The following ELAPOR2 variants were observed in gnomAD, a reference collection of about 807,000 sequenced individuals.
The protein encoded by ELAPOR2 is endosome/lysosome-associated apoptosis and autophagy regulator family member 2.
Under a neutral mutation model 120.7 loss-of-function variants are expected in ELAPOR2, and 89 were observed. That is an observed-to-expected ratio of 0.74 (90% CI 0.62 to 0.88). The LOEUF (loss-of-function observed/expected upper bound fraction) is 0.88. Among genes scored for constraint, ELAPOR2 ranks in the 40% least tolerant of loss-of-function variants. The pLI, the probability that ELAPOR2 is intolerant of heterozygous loss-of-function variation, is 0.00. For synonymous variants in ELAPOR2, 444 were observed against 444.9 expected (o/e 1.00, Z 0.03); for missense variants, 1,134 against 1,251.6 (o/e 0.91, Z 1.42).
At chr7:86,982,560 A>G (rs757024656) in intron 1 of ELAPOR2, among the ~76,000 whole-genome samples, 40 of 152,220 alleles carry the variant, frequency 2.6e-4, no homozygotes, top group Non-Finnish European at 2.5e-4. Context: ...GAGTGGACAT[A>G]CAGCAAACTC....
At chr7:86,913,381 C>T (rs1789414136) in intron 13 of ELAPOR2, among the ~76,000 whole-genome samples, 177 bp from the exon 14 acceptor site, 3 of 152,158 alleles carry the variant, frequency 2.0e-5, no homozygotes, top group African/African-American at 7.2e-5. Flanking sequence ...AATCTTAAAT[C>T]TTGATACTAG....
At chr7:87,034,149 A>C (rs1204867568) in intron 1 of ELAPOR2, among the ~76,000 whole-genome samples, 1 of 152,206 alleles carries the variant, frequency 6.6e-6, no homozygotes, top group Admixed American at 6.5e-5. Context: ...AAATACATGC[A>C]AAGGACTTTT....
chr7:86,948,625 T>A (rs1013469883), intron 2 of ELAPOR2, among the ~76,000 whole-genome samples: 4 of 151,996 alleles, frequency 2.6e-5, no homozygotes, highest in African/African-American at 9.7e-5. Context: ...ACCAACCTAG[T>A]CATCTCTACC....
intron 1 of ELAPOR2, among the ~76,000 whole-genome samples, chr7:86,972,037 G>C (rs1792122555): frequency 6.6e-6 from 1 of 152,136 alleles, no homozygotes; most frequent in Admixed American, 6.5e-5. Context: ...TGTGTTCTCA[G>C]AAAGATGTAA....
rs1027133790 is a variant in ELAPOR2, at chr7:87,058,748, CT to C, written c.189+576del. ...CATCTTCTCTACCAAGTACATACTC[CT>C]TTTTTTTCCCCCCCAAATTCAAATC... On this transcript the variant is annotated intron_variant, in intron 1 of 21. Coordinates refer to ENST00000450689, the MANE Select transcript of ELAPOR2 (RefSeq NM_001142749.3). Among the ~76,000 whole-genome samples, 62 of 152,052 alleles carry C rather than the reference CT, an allele frequency of 4.1e-4. 1 individual carries two copies. The highest frequency in any genetic ancestry group is 9.2e-4 in the Admixed American group (14 of 15,274).
intron 1 of ELAPOR2, among the ~76,000 whole-genome samples, chr7:86,988,075 T>C (rs763557642): frequency 2.6e-4 from 39 of 152,294 alleles, no homozygotes; most frequent in Non-Finnish European, 4.9e-4. Context: ...GAAACCATGA[T>C]TCTGGGCAAA....
intron 1 of ELAPOR2, among the ~76,000 whole-genome samples, chr7:87,006,971 T>G (rs1291344012): frequency 1.3e-5 from 2 of 152,188 alleles, no homozygotes; most frequent in Non-Finnish European, 2.9e-5. Context: ...AAGTATGTAC[T>G]GTATAATTCC....
intron 1 of ELAPOR2, among the ~76,000 whole-genome samples, chr7:86,971,855 G>C (rs1792117795): frequency 6.6e-6 from 1 of 151,946 alleles, no homozygotes; most frequent in African/African-American, 2.4e-5. Context: ...AGAAATCAGA[G>C]GTGAAAAAAA....
intron 19 of ELAPOR2, among the ~76,000 whole-genome samples, chr7:86,895,156 T>C (rs1788380893): frequency 6.6e-6 from 1 of 152,134 alleles, no homozygotes; most frequent in South Asian, 2.1e-4. Context: ...TTGCAATAAC[T>C]ATTTTTCTTC....
chr7:87,047,521 T>C (rs1055631872), intron 1 of ELAPOR2, among the ~76,000 whole-genome samples: 1 of 152,072 alleles, frequency 6.6e-6, no homozygotes, highest in Non-Finnish European at 1.5e-5. Context: ...GGGCAAAGGA[T>C]TTCAATAGAT....
chr7:86,909,992 T>C lies in ELAPOR2; in HGVS notation c.2179A>G (p.Met727Val), dbSNP rs748280541. The C allele has an allele frequency of 1.2e-6, 2 of 1,604,512 alleles. No homozygotes were observed. Among genetic ancestry groups the C allele is most frequent in the African/African-American group, 2.7e-5 (2 of 74,210 alleles). ...ISLCGHEGKK[M>V]ALCTNNITDF... ...GTTATATTGTTGGTACAGAGAGCCA[T>C]CTTCTTCCCCTAGGAAAATAAAGTC... The change falls in exon 16 of 22, where the codon ATG (methionine) becomes GTG (valine). Residue 727 changes from methionine to valine, a missense_variant. Coordinates refer to ENST00000450689, the MANE Select transcript of ELAPOR2 (RefSeq NM_001142749.3).
intron 5 of ELAPOR2, among the ~76,000 whole-genome samples, chr7:86,941,579 A>G (rs1160432381): frequency 6.6e-6 from 1 of 152,102 alleles, no homozygotes; most frequent in Non-Finnish European, 1.5e-5. Flanking sequence ...GGCACAGCGC[A>G]GAGAAAGATA....
chr7:86,884,020 G>GA (rs1314470177), intron 21 of ELAPOR2, among the ~76,000 whole-genome samples: 1 of 152,106 alleles, frequency 6.6e-6, no homozygotes, highest in Non-Finnish European at 1.5e-5. Flanking sequence ...AGGATGGAGG[G>GA]ACGGATATGT....
At chr7:86,911,390 A>C (rs980494822) in intron 15 of ELAPOR2, among the ~76,000 whole-genome samples, 2 of 152,140 alleles carry the variant, frequency 1.3e-5, no homozygotes, top group Non-Finnish European at 2.9e-5. Context: ...GTATCTCATA[A>C]TGAAGACAAT....
chr7:86,945,686 A>T lies in ELAPOR2; in HGVS notation c.507-640T>A, dbSNP rs115078909. Reference sequence around the variant, plus strand: ...CTATGCTGTTGTAAAATTTAACATTATATAAAGGTACAATAATAACTCTAT... The same window carrying T: ...CTATGCTGTTGTAAAATTTAACATTTTATAAAGGTACAATAATAACTCTAT... On this transcript the variant is annotated intron_variant, in intron 3 of 21. Coordinates refer to ENST00000450689, the MANE Select transcript of ELAPOR2 (RefSeq NM_001142749.3). 9.7e-3 allele frequency among the ~76,000 whole-genome samples: 1,485 copies of T among 152,340 alleles called. 14 individuals carry two copies. Among genetic ancestry groups the T allele is most frequent in the African/African-American group, 0.028 (1,165 of 41,586 alleles).
At chr7:87,045,582 G>A (rs1794927024) in intron 1 of ELAPOR2, among the ~76,000 whole-genome samples, 1 of 148,894 alleles carries the variant, frequency 6.7e-6, no homozygotes, top group South Asian at 2.2e-4. Flanking sequence ...CACAGGAAGG[G>A]GAATATCACA....
chr7:86,908,337 C>G, intron 17 of ELAPOR2, 110 bp downstream of exon 17: 1 of 608,578 alleles, frequency 1.6e-6, no homozygotes, highest in Non-Finnish European at 2.8e-6. Context: ...GAACTCACAT[C>G]TGGTATATGA....
chr7:87,008,942 C>CA (rs1271413595), intron 1 of ELAPOR2, among the ~76,000 whole-genome samples: 1 of 151,760 alleles, frequency 6.6e-6, no homozygotes, highest in South Asian at 2.1e-4. Context: ...AAGTGAGCCA[C>CA]AAAAAAAGCT....
intron 1 of ELAPOR2, among the ~76,000 whole-genome samples, chr7:87,014,251 A>G (rs1295260176): frequency 2.6e-5 from 4 of 152,174 alleles, no homozygotes; most frequent in African/African-American, 4.8e-5. Context: ...GTAAAACAAC[A>G]TTATATTTCA....
Sources: gnomAD v4.1 joint callset for allele counts (sites outside exome capture counted in the v4.1 genomes callset) on GRCh38, gnomAD v4.1.1 for gene constraint, MANE v1.5 for transcripts, NCBI Gene and HGNC (gene_info 2026-07-23, HGNC 2026-07-21) for gene names.